The following CLIP4 variants were observed in gnomAD, a reference collection of about 807,000 sequenced individuals.
CLIP4 encodes CAP-Gly domain-containing linker protein 4.
Under a neutral mutation model 73.1 loss-of-function variants are expected in CLIP4, and 47 were observed. The observed-to-expected ratio is 0.64, with a 90% CI of 0.51 to 0.82. CLIP4 has a LOEUF of 0.82. CLIP4 is among the 40% of genes least tolerant of loss of function. The pLI, the probability that CLIP4 is intolerant of heterozygous loss-of-function variation, is 0.00. For missense variants in CLIP4, 874 were observed against 852.9 expected (o/e 1.02, Z -0.31); for synonymous variants, 306 against 295.4 (o/e 1.04, Z -0.37).
chr2:29,098,402 C>A (rs1203611113), intron 1 of CLIP4, among the ~76,000 whole-genome samples: 2 of 152,192 alleles, frequency 1.3e-5, no homozygotes, highest in Non-Finnish European at 2.9e-5. Flanking sequence ...TCCATCTGGT[C>A]ATCCTTCCCG....
chr2:29,112,740 TCTG>T (rs1668414333), upstream of CLIP4, among the ~76,000 whole-genome samples: 1 of 152,268 alleles, frequency 6.6e-6, no homozygotes, highest in Non-Finnish European at 1.5e-5. Context: ...TTTAAGCACT[TCTG>T]CTAGTTGAAC....
intron 1 of CLIP4, among the ~76,000 whole-genome samples, chr2:29,116,307 G>A (rs1663830487): frequency 6.6e-6 from 1 of 152,174 alleles, no homozygotes; most frequent in Non-Finnish European, 1.5e-5. Flanking sequence ...TCCAGACTCT[G>A]GTTTTCAGCT....
chr2:29,180,575 T>C (rs1485778711), intron 15 of CLIP4, among the ~76,000 whole-genome samples: 2 of 152,224 alleles, frequency 1.3e-5, no homozygotes, highest in Non-Finnish European at 2.9e-5. Context: ...TACATATGTG[T>C]ATAGATATTT....
intron 2 of CLIP4, among the ~76,000 whole-genome samples, chr2:29,128,320 A>G (rs1664747965): frequency 6.6e-6 from 1 of 151,992 alleles, no homozygotes; most frequent in Non-Finnish European, 1.5e-5. Context: ...AAGAATACCC[A>G]AAAGATTCAA....
intron 14 of CLIP4, among the ~76,000 whole-genome samples, chr2:29,171,710 G>A (rs913822222): frequency 2.0e-5 from 3 of 151,848 alleles, no homozygotes; most frequent in Admixed American, 6.6e-5. Context: ...AGTAGAGACG[G>A]GTTTTCACTA....
chr2:29,105,694 C>T (rs1255810117), intron 1 of CLIP4, among the ~76,000 whole-genome samples: 1 of 152,182 alleles, frequency 6.6e-6, no homozygotes, highest in Admixed American at 6.5e-5. Context: ...ACCTAGTCCC[C>T]ATTGTGAGGG....
chr2:29,135,893 T>C (rs1242842246), intron 6 of CLIP4, among the ~76,000 whole-genome samples: 1 of 152,164 alleles, frequency 6.6e-6, no homozygotes, highest in Non-Finnish European at 1.5e-5. Flanking sequence ...GAAAGTAAAG[T>C]CTTCCTTTAA....
intron 13 of CLIP4, among the ~76,000 whole-genome samples, chr2:29,166,502 C>G (rs1667624724): frequency 6.8e-6 from 1 of 147,730 alleles, no homozygotes; most frequent in Admixed American, 6.7e-5. Context: ...GGAAAACTCA[C>G]TGACTAGGTT....
intron 9 of CLIP4, among the ~76,000 whole-genome samples, chr2:29,155,502 CTTA>C (rs1558560939): frequency 6.6e-6 from 1 of 152,104 alleles, no homozygotes; most frequent in East Asian, 1.9e-4. Flanking sequence ...ACATATTATA[CTTA>C]TTATACCACA....
chr2:29,176,008 A>G (rs550350306), intron 15 of CLIP4, among the ~76,000 whole-genome samples: 73 of 152,252 alleles, frequency 4.8e-4, no homozygotes, highest in Non-Finnish European at 7.5e-4. Context: ...TGATCTGCCC[A>G]CCTTGGCCTC....
intron 5 of CLIP4, 24 bp downstream of exon 5, chr2:29,133,840 A>C: frequency 6.4e-7 from 1 of 1,551,832 alleles, no homozygotes; most frequent in South Asian, 1.2e-5. Context: ...GATCACCTTT[A>C]GATATTATTA....
chr2:29,130,070 A>G (rs749128812), intron 2 of CLIP4: 288 of 470,914 alleles, frequency 6.1e-4, no homozygotes, highest in South Asian at 2.0e-3. Flanking sequence ...AAGGTTGTTC[A>G]GCATAATTGG....
At chr2:29,099,836 C>T (rs1199182063) in intron 1 of CLIP4, among the ~76,000 whole-genome samples, 1 of 152,168 alleles carries the variant, frequency 6.6e-6, no homozygotes, top group Non-Finnish European at 1.5e-5. Flanking sequence ...CATGAAATAT[C>T]TCTCCATTTA....
chr2:29,174,605 C>T, intron 15 of CLIP4, 160 bp downstream of exon 15: 1 of 1,351,974 alleles, frequency 7.4e-7, no homozygotes, highest in African/African-American at 1.5e-5. Flanking sequence ...GTTCTTCCTC[C>T]CTCCTTTGCA....
At chr2:29,105,828 C>T (rs1394237954) in intron 1 of CLIP4, among the ~76,000 whole-genome samples, 1 of 152,180 alleles carries the variant, frequency 6.6e-6, no homozygotes, top group Admixed American at 6.5e-5. Flanking sequence ...GGCAGAGGGC[C>T]CCTGCCAGCC....
chr2:29,177,182 G>C (rs918640770), intron 15 of CLIP4, among the ~76,000 whole-genome samples: 6 of 152,106 alleles, frequency 3.9e-5, no homozygotes, highest in African/African-American at 1.4e-4. Context: ...GCTGAGGTGG[G>C]AGGATCACTT....
chr2:29,178,182 ATT>A (rs755505721), intron 15 of CLIP4, among the ~76,000 whole-genome samples: 6 of 144,636 alleles, frequency 4.1e-5, no homozygotes, highest in Non-Finnish European at 4.6e-5. Flanking sequence ...ATGTGTCTGA[ATT>A]TTTTTTTTTT....
chr2:29,130,918 G>A (rs1200412847), intron 2 of CLIP4: 1 of 1,289,006 alleles, frequency 7.8e-7, no homozygotes, highest in Admixed American at 2.4e-5. Context: ...GAATAATAGA[G>A]GAAAGAAGAT....
chr2:29,133,876 A>G (rs1665160210), intron 5 of CLIP4, 60 bp downstream of exon 5: 1 of 1,370,656 alleles, frequency 7.3e-7, no homozygotes, highest in Non-Finnish European at 9.8e-7. Context: ...GGTGGCATAA[A>G]AATTATAATT....
Sources: allele counts gnomAD v4.1 joint callset (sites outside exome capture counted in the v4.1 genomes callset), GRCh38; gene constraint gnomAD v4.1.1; transcripts MANE v1.5; gene names NCBI Gene and HGNC (gene_info 2026-07-23, HGNC 2026-07-21).